ARMC3: variants seen among roughly 807,000 people sequenced by gnomAD.
The protein encoded by ARMC3 is armadillo repeat-containing protein 3.
A neutral mutation model predicts 90.3 loss-of-function variants in ARMC3; 74 were observed. The observed-to-expected ratio is 0.82, with a 90% confidence interval of 0.68 to 0.99. The LOEUF is 0.99. ARMC3 is among the 50% of genes least tolerant of loss of function. The probability of loss-of-function intolerance (pLI) is 0.00; values close to 1 mark genes in which losing one functional copy is unlikely to be tolerated. For synonymous variants in ARMC3, 334 were observed against 361.8 expected (o/e 0.92, Z 0.87); for missense variants, 958 against 1,042.8 (o/e 0.92, Z 1.12).
At chr10:22,975,872 C>T (rs991933597) in intron 8 of ARMC3, among the ~76,000 whole-genome samples, 28 of 152,094 alleles carry the variant, frequency 1.8e-4, no homozygotes, top group Admixed American at 6.6e-5. Context: ...TATTTTTAGA[C>T]CATCTCTGTT....
intron 10 of ARMC3, among the ~76,000 whole-genome samples, chr10:22,992,751 C>T (rs573802027): frequency 4.3e-4 from 66 of 152,244 alleles, no homozygotes; most frequent in African/African-American, 1.5e-3. Context: ...CTTCTTGGAT[C>T]ATTACCTTTG....
intron 4 of ARMC3, among the ~76,000 whole-genome samples, chr10:22,958,463 G>A (rs921489589): frequency 1.8e-4 from 28 of 152,202 alleles, no homozygotes; most frequent in African/African-American, 6.5e-4. Flanking sequence ...AATAAACGTA[G>A]GGCACAGTGA....
chr10:22,931,148 T>C (rs1833913460), intron 1 of ARMC3, among the ~76,000 whole-genome samples: 1 of 152,100 alleles, frequency 6.6e-6, no homozygotes, highest in African/African-American at 2.4e-5. Flanking sequence ...AGGATGGTCT[T>C]GAACTCCTGA....
chr10:22,946,168 A>G lies in ARMC3; in HGVS notation c.73A>G (p.Lys25Glu). The G allele has an allele frequency of 1.9e-6, 3 of 1,611,688 alleles. No individual in the cohort carries two copies. The highest frequency in any genetic ancestry group is 8.5e-7 in the Non-Finnish European group (1 of 1,179,056). The part of the protein sequence containing the change: ...DVFDPLMIES[K>E]KAATVVLMLN... ...GTTTGACCCATTAATGATTGAAAGC[A>G]AAAAAGCAGCAACTGTGGTGTTAAT... The change falls in exon 3 of 19, where the codon AAA (lysine) becomes GAA (glutamate). Residue 25 changes from lysine (K) to glutamate (E), a missense_variant. Physicochemically the swap from Lys to Glu is moderately conservative, Grantham distance 56 (BLOSUM62 1). Transcript: ENST00000298032.
rs750668869 is a variant in ARMC3 at position 22,998,372 on chromosome 10, C to T, written c.1400C>T (p.Ala467Val). 12 of 1,614,120 alleles carry T rather than the reference C, an allele frequency of 7.4e-6. No individual in the cohort carries two copies. In the South Asian group the frequency reaches 8.8e-5, roughly 12 times the overall value. The change falls in exon 11 of 19, where the codon GCG (alanine) becomes GTG (valine). Residue 467 changes from alanine (A) to valine (V), a missense_variant. By Grantham distance (64) the Ala-to-Val change is moderately conservative. Transcript: ENST00000298032. ...GCTGCTCTCGCTGTCACCGCAACTG[C>T]GTGTGACGTTGAAGCCCGGACTGAG... is the stretch of plus-strand genomic sequence containing the variant. ...SKAALAVTAT[A>V]CDVEARTELR...
chr10:22,965,101 T>C (rs1448795382), intron 7 of ARMC3, among the ~76,000 whole-genome samples: 1 of 152,210 alleles, frequency 6.6e-6, no homozygotes, highest in African/African-American at 2.4e-5. Context: ...CATATATTCA[T>C]CTATCAATAT....
intron 3 of ARMC3, 170 bp downstream of exon 3, chr10:22,946,431 T>G: frequency 4.3e-6 from 2 of 463,150 alleles, no homozygotes; most frequent in Non-Finnish European, 3.8e-6. Context: ...TCTTCCTGAG[T>G]TCCTAGCTTA....
intron 8 of ARMC3, among the ~76,000 whole-genome samples, chr10:22,973,048 C>G (rs1183121886): frequency 2.6e-5 from 4 of 151,974 alleles, no homozygotes; most frequent in African/African-American, 9.7e-5. Context: ...AATCCTAGCA[C>G]TTTGGGAGGT....
At chr10:23,014,887 T>TAA (rs1838202647) in intron 16 of ARMC3, among the ~76,000 whole-genome samples, 1 of 46,058 alleles carries the variant, frequency 2.2e-5, no homozygotes, top group Non-Finnish European at 4.1e-5. Context: ...AGATAATCTG[T>TAA]ACAAAAAAAA....
intron 6 of ARMC3, chr10:22,959,928 G>A (rs755713698): frequency 5.5e-5 from 25 of 451,272 alleles, no homozygotes; most frequent in Non-Finnish European, 9.6e-5. Flanking sequence ...CACATTGGAT[G>A]TAATATATAC....
At chr10:23,032,692 A>G (rs1219012508) in intron 17 of ARMC3, among the ~76,000 whole-genome samples, 169 bp from the exon 18 acceptor site, 7 of 152,214 alleles carry the variant, frequency 4.6e-5, no homozygotes, top group Non-Finnish European at 2.9e-5. Flanking sequence ...TAAGCATGCT[A>G]TGCTACAGTA....
At chr10:23,004,759 A>C (rs985545782) in intron 13 of ARMC3, among the ~76,000 whole-genome samples, 2 of 152,148 alleles carry the variant, frequency 1.3e-5, no homozygotes, top group Admixed American at 1.3e-4. Flanking sequence ...CTTGCCTAAA[A>C]CTTGACTCTT....
chr10:22,937,159 T>C (rs916286598), intron 2 of ARMC3, among the ~76,000 whole-genome samples: 1 of 152,290 alleles, frequency 6.6e-6, no homozygotes, highest in Non-Finnish European at 1.5e-5. Context: ...CCCCTCGGCC[T>C]CCCAAAGTGC....
In ARMC3 at chr10:22,968,495, T is replaced by C; in HGVS notation, c.916+6T>C. 6.4e-7 allele frequency: 1 copy of C among 1,558,480 alleles called. No homozygotes were observed. The highest frequency in any genetic ancestry group is 8.7e-7 in the Non-Finnish European group (1 of 1,155,844). On this transcript the variant is annotated splice_donor_region_variant and intron_variant, in intron 8 of 18. Transcript: ENST00000298032. Reference sequence around the variant, plus strand: ...TACTAAAGCAGCTTATGATCGTATGTCTCATTTTATTTTATTTATTTTGAG... The same window carrying C: ...TACTAAAGCAGCTTATGATCGTATGCCTCATTTTATTTTATTTATTTTGAG...
intron 8 of ARMC3, among the ~76,000 whole-genome samples, chr10:22,968,802 T>C (rs910598549): frequency 6.6e-6 from 1 of 152,204 alleles, no homozygotes; most frequent in Non-Finnish European, 1.5e-5. Flanking sequence ...TCTTATTTTA[T>C]ATAAACAAAA....
intron 16 of ARMC3, among the ~76,000 whole-genome samples, chr10:23,010,480 T>C (rs115024397): frequency 0.012 from 21 of 1,696 alleles, 1 homozygote; most frequent in Non-Finnish European, 0.021. Flanking sequence ...CTTTCCCTCC[T>C]CCCTCCTTCC....
intron 4 of ARMC3, among the ~76,000 whole-genome samples, chr10:22,956,552 G>T (rs1448289126): frequency 6.6e-6 from 1 of 151,894 alleles, no homozygotes; most frequent in Non-Finnish European, 1.5e-5. Context: ...GCAGTGAGCT[G>T]AGATTGCGCC....
chr10:22,936,431 G>A (rs1834117069), intron 2 of ARMC3, among the ~76,000 whole-genome samples: 1 of 152,136 alleles, frequency 6.6e-6, no homozygotes, highest in African/African-American at 2.4e-5. Flanking sequence ...AGTTCTGTTG[G>A]AAAACGCTAT....
intron 10 of ARMC3, chr10:22,997,281 A>G (rs1320025627): frequency 6.6e-6 from 1 of 152,240 alleles, no homozygotes; most frequent in Non-Finnish European, 1.5e-5. Flanking sequence ...CCCTGGCTTC[A>G]TCTTGGAAGC....
Sources: allele counts gnomAD v4.1 joint callset (sites outside exome capture counted in the v4.1 genomes callset), GRCh38; gene constraint gnomAD v4.1.1; transcripts MANE v1.5; gene names NCBI Gene and HGNC (gene_info 2026-07-23, HGNC 2026-07-21).